Variants in TTC23 observed in about 807,000 individuals in gnomAD.
The protein encoded by TTC23 is tetratricopeptide repeat protein 23.
A neutral mutation model predicts 55.1 loss-of-function variants in TTC23; 58 were observed. The observed-to-expected ratio is 1.05, with a 90% confidence interval of 0.85 to 1.31. The LOEUF (loss-of-function observed/expected upper bound fraction) is 1.31, where lower values mean the gene tolerates loss of function less well. Ranked by LOEUF, TTC23 falls within the 50% of genes most tolerant of loss-of-function variation. The pLI, the probability that TTC23 is intolerant of heterozygous loss-of-function variation, is 0.00. For missense variants in TTC23, 516 were observed against 534.4 expected (o/e 0.97, Z 0.34); for synonymous variants, 203 against 199.9 (o/e 1.02, Z -0.13).
At chr15:99,185,988 C>T (rs1026060250) in intron 9 of TTC23, among the ~76,000 whole-genome samples, 11 of 152,096 alleles carry the variant, frequency 7.2e-5, no homozygotes, top group East Asian at 1.9e-4. Context: ...TGAAAAACAA[C>T]AGGGAAAAAT....
intron 12 of TTC23, chr15:99,148,383 A>AAAAAAAAAAAAAAAAAAAAAAAAAAAAC (rs1555495118): frequency 6.8e-6 from 1 of 146,012 alleles, no homozygotes; most frequent in African/African-American, 2.5e-5. Context: ...AAAAAAAAAA[A>AAAAAAAAAAAAAAAAAAAAAAAAAAAAC]AAAAGACCTT....
At chr15:99,214,975 C>T (rs1299455224) in intron 8 of TTC23, among the ~76,000 whole-genome samples, 1 of 150,752 alleles carries the variant, frequency 6.6e-6, no homozygotes, top group Non-Finnish European at 1.5e-5. Flanking sequence ...CCTGCCTCAG[C>T]CTCCCGAGTA....
chr15:99,178,267 A>G (rs2623194), intron 9 of TTC23, among the ~76,000 whole-genome samples: 27,884 of 152,176 alleles, frequency 0.18, 2,739 homozygotes, highest in African/African-American at 0.23. Flanking sequence ...ATTTTTCTAC[A>G]TGAAATGCTA....
chr15:99,227,859 G>A (rs1383310992), intron 5 of TTC23, among the ~76,000 whole-genome samples: 9 of 152,184 alleles, frequency 5.9e-5, no homozygotes, highest in Admixed American at 3.9e-4. Context: ...CCCATCCGAA[G>A]AAAGTGTGCC....
intron 9 of TTC23, among the ~76,000 whole-genome samples, chr15:99,189,104 C>T (rs2075004370): frequency 6.6e-6 from 1 of 151,954 alleles, no homozygotes; most frequent in African/African-American, 2.4e-5. Context: ...TGGAAAAAAC[C>T]CATAGTACAT....
chr15:99,139,654 A>G (rs1555489236), intron 12 of TTC23: 16 of 1,457,036 alleles, frequency 1.1e-5, no homozygotes, highest in Non-Finnish European at 1.5e-5. Context: ...TAGATTTAAA[A>G]GTAGTATTTT....
intron 9 of TTC23, among the ~76,000 whole-genome samples, chr15:99,182,291 T>C (rs975548793): frequency 5.3e-4 from 61 of 116,120 alleles, no homozygotes; most frequent in South Asian, 4.4e-3. Flanking sequence ...CACACACACA[T>C]AATCATAACC....
intron 12 of TTC23, among the ~76,000 whole-genome samples, chr15:99,142,004 G>T (rs1225018023): frequency 6.6e-6 from 1 of 152,170 alleles, no homozygotes; most frequent in African/African-American, 2.4e-5. Context: ...ATCTGCACGG[G>T]GACCTTGGCC....
chr15:99,188,639 T>A (rs1336419816), intron 9 of TTC23, among the ~76,000 whole-genome samples: 1 of 151,944 alleles, frequency 6.6e-6, no homozygotes. Flanking sequence ...AATGGTGAAA[T>A]GACAGGAATA....
intron 10 of TTC23, among the ~76,000 whole-genome samples, chr15:99,171,889 C>T (rs967407487): frequency 1.3e-5 from 2 of 151,968 alleles, no homozygotes; most frequent in Non-Finnish European, 2.9e-5. Context: ...TCTTTTGCTT[C>T]TGCTTCAAGC....
chr15:99,148,435 T>C (rs1175858532), intron 12 of TTC23: 2 of 135,958 alleles, frequency 1.5e-5, no homozygotes, highest in East Asian at 5.1e-4. Context: ...GAATAAAAAC[T>C]ACGTTCCAAC....
intron 1 of TTC23, chr15:99,248,124 C>G (rs960475061): frequency 6.6e-6 from 1 of 152,074 alleles, no homozygotes; most frequent in Admixed American, 6.5e-5. Context: ...AGAAGTGCAT[C>G]AAAATTTATA....
intron 9 of TTC23, among the ~76,000 whole-genome samples, chr15:99,183,082 G>A (rs1485939064): frequency 6.6e-6 from 1 of 152,170 alleles, no homozygotes; most frequent in Non-Finnish European, 1.5e-5. Context: ...GGGCAAGTTT[G>A]GAACTTCCTA....
At chr15:99,242,613 G>C (rs955163243) in intron 2 of TTC23, among the ~76,000 whole-genome samples, 2 of 152,120 alleles carry the variant, frequency 1.3e-5, no homozygotes, top group Non-Finnish European at 2.9e-5. Flanking sequence ...ACCAAATCTA[G>C]CAACATATAC....
At chr15:99,181,026 TC>T (rs67147282) in intron 9 of TTC23, among the ~76,000 whole-genome samples, 6,060 of 152,248 alleles carry the variant, frequency 0.04, 258 homozygotes, top group African/African-American at 0.11. Flanking sequence ...ACTTACCAGT[TC>T]ACTCAGTCTC....
chr15:99,182,051 G>C (rs1243113336), intron 9 of TTC23, among the ~76,000 whole-genome samples: 1 of 152,074 alleles, frequency 6.6e-6, no homozygotes, highest in African/African-American at 2.4e-5. Context: ...AACTTAATTA[G>C]ATTTTTAAAT....
chr15:99,206,299 G>T (rs2076622684), intron 8 of TTC23, among the ~76,000 whole-genome samples: 1 of 151,990 alleles, frequency 6.6e-6, no homozygotes, highest in African/African-American at 2.4e-5. Flanking sequence ...GTCTGGTTTT[G>T]GTATTGAGAC....
chr15:99,169,952 C>T (rs750768113), intron 10 of TTC23, among the ~76,000 whole-genome samples: 4 of 152,216 alleles, frequency 2.6e-5, no homozygotes, highest in African/African-American at 9.6e-5. Flanking sequence ...CAAACAAGGC[C>T]GCCTGCACTC....
intron 13 of TTC23, 119 bp downstream of exon 13, chr15:99,139,198 T>C (rs531558880): frequency 5.6e-5 from 72 of 1,292,008 alleles, no homozygotes; most frequent in South Asian, 5.2e-4. Flanking sequence ...ATGCAAGTTA[T>C]GGGAAGTCAG....
Sources: allele counts gnomAD v4.1 joint callset (sites outside exome capture counted in the v4.1 genomes callset), GRCh38; gene constraint gnomAD v4.1.1; transcripts MANE v1.5; gene names NCBI Gene and HGNC (gene_info 2026-07-23, HGNC 2026-07-21).